The following SLC7A7 variants were observed in gnomAD, a reference collection of about 807,000 sequenced individuals.
SLC7A7 encodes the protein Y+L amino acid transporter 1.
Under a neutral mutation model 47.9 loss-of-function variants are expected in SLC7A7, and 39 were observed. The observed-to-expected ratio is 0.81, with a 90% CI of 0.63 to 1.06. SLC7A7 has a LOEUF of 1.06. SLC7A7 is among the 50% of genes least tolerant of loss of function. The probability of loss-of-function intolerance (pLI) is 0.00; values close to 1 mark genes in which losing one functional copy is unlikely to be tolerated. For synonymous variants in SLC7A7, 234 were observed against 242.8 expected (o/e 0.96, Z 0.34); for missense variants, 588 against 632.0 (o/e 0.93, Z 0.75).
chr14:22,788,592 T>A (rs1465344454), intron 2 of SLC7A7, among the ~76,000 whole-genome samples: 1 of 151,240 alleles, frequency 6.6e-6, no homozygotes, highest in East Asian at 1.9e-4. Context: ...TCATCCCAGC[T>A]ACTCAGGAGG....
chr14:22,805,409 T>C (rs2039184304), intron 2 of SLC7A7, among the ~76,000 whole-genome samples: 1 of 152,146 alleles, frequency 6.6e-6, no homozygotes. Flanking sequence ...GTGGTACATA[T>C]ATACCATGAA....
At chr14:22,795,439 T>TA (rs1354572565) in intron 2 of SLC7A7, among the ~76,000 whole-genome samples, 22 of 108,390 alleles carry the variant, frequency 2.0e-4, no homozygotes, top group African/African-American at 6.3e-4. Context: ...TCTTTCTTTC[T>TA]TTCTTTTCTA....
At position 22,813,135 on chromosome 14, in the gene SLC7A7, A is replaced by C; in HGVS notation, c.264T>G (p.Leu88=). The C allele has an allele frequency of 6.2e-7, 1 of 1,614,124 alleles. No individual in the cohort carries two copies. The highest frequency in any genetic ancestry group is 8.5e-7 in the Non-Finnish European group (1 of 1,180,018). Residue 88 remains leucine (L), a synonymous_variant, in exon 2 of 10, where the codon CTT becomes CTG. Transcript: ENST00000674313. Reference sequence around the variant, plus strand: ...TGGTGGTGCCCAGTTCCGCATAACAAAGGGCCCCAAAGACGGAGAAGAGGC... The same window carrying C: ...TGGTGGTGCCCAGTTCCGCATAACACAGGGCCCCAAAGACGGAGAAGAGGC... ...VGGLFSVFGA[L]CYAELGTTIK...
At chr14:22,791,029 A>C (rs2038916310) in intron 2 of SLC7A7, among the ~76,000 whole-genome samples, 1 of 150,560 alleles carries the variant, frequency 6.6e-6, no homozygotes, top group South Asian at 2.1e-4. Context: ...AAATACGTTT[A>C]TTAGCCTTAC....
intron 2 of SLC7A7, among the ~76,000 whole-genome samples, chr14:22,788,494 G>A (rs1010129984): frequency 5.3e-5 from 8 of 151,928 alleles, no homozygotes; most frequent in African/African-American, 1.5e-4. Context: ...CACAAAGTCA[G>A]GAGTTTGAGA....
At chr14:22,809,055 A>T (rs1235037932) in intron 2 of SLC7A7, among the ~76,000 whole-genome samples, 1 of 152,152 alleles carries the variant, frequency 6.6e-6, no homozygotes, top group Admixed American at 6.5e-5. Flanking sequence ...TGCACCTTTC[A>T]CTCTATCAGA....
intron 2 of SLC7A7, among the ~76,000 whole-genome samples, chr14:22,806,967 G>A (rs2138643465): frequency 6.6e-6 from 1 of 150,546 alleles, no homozygotes; most frequent in South Asian, 2.1e-4. Context: ...GCGCGATCTG[G>A]GCTCACTGCA....
At chr14:22,808,946 A>G (rs1013005518) in intron 2 of SLC7A7, among the ~76,000 whole-genome samples, 1 of 152,252 alleles carries the variant, frequency 6.6e-6, no homozygotes, top group Admixed American at 6.5e-5. Flanking sequence ...ATCTCATTCC[A>G]TTCTCACAAC....
chr14:22,817,207 G>C (rs769499498), upstream of SLC7A7: 1 of 200,516 alleles, frequency 5.0e-6, no homozygotes, highest in South Asian at 5.9e-5. Flanking sequence ...GCAGTGGCAC[G>C]ATCTTGACTC....
intron 1 of SLC7A7, chr14:22,815,011 G>A (rs1421685304): frequency 3.8e-6 from 1 of 260,268 alleles, no homozygotes; most frequent in Non-Finnish European, 7.7e-6. Context: ...AATGAGAGAA[G>A]GGCGATCCAA....
chr14:22,815,761 G>C (rs768059677), upstream of SLC7A7: 5 of 440,898 alleles, frequency 1.1e-5, no homozygotes, highest in Non-Finnish European at 2.3e-5. Flanking sequence ...GACAGTAGCG[G>C]GGAAGGAATA....
chr14:22,782,114 C>A (rs1426956970), intron 2 of SLC7A7, among the ~76,000 whole-genome samples: 1 of 151,912 alleles, frequency 6.6e-6, no homozygotes, highest in Admixed American at 6.6e-5. Context: ...TTTTCTTTTT[C>A]TTTTTGAGAC....
upstream of SLC7A7, chr14:22,817,327 T>G: frequency 4.7e-6 from 1 of 214,424 alleles, no homozygotes; most frequent in South Asian, 5.7e-5. Flanking sequence ...TATTTTTATT[T>G]TATTTTATTT....
At chr14:22,796,680 CA>C (rs1230306543) in intron 2 of SLC7A7, among the ~76,000 whole-genome samples, 1 of 152,184 alleles carries the variant, frequency 6.6e-6, no homozygotes, top group East Asian at 1.9e-4. Flanking sequence ...TCCTGAATGG[CA>C]AAACAACTAG....
At chr14:22,786,513 A>C (rs75379305) in intron 2 of SLC7A7, among the ~76,000 whole-genome samples, 2,649 of 152,330 alleles carry the variant, frequency 0.017, 67 homozygotes, top group African/African-American at 0.058. Flanking sequence ...GCAAGACCCC[A>C]CACAGAAAAC....
chr14:22,801,423 T>G (rs1202907106), intron 2 of SLC7A7, among the ~76,000 whole-genome samples: 1 of 152,148 alleles, frequency 6.6e-6, no homozygotes, highest in Non-Finnish European at 1.5e-5. Flanking sequence ...ATGCCTAGGT[T>G]AGGACTGGTC....
intron 2 of SLC7A7, among the ~76,000 whole-genome samples, chr14:22,802,858 A>G (rs146146330): frequency 7.9e-5 from 12 of 152,130 alleles, no homozygotes; most frequent in Admixed American, 4.6e-4. Flanking sequence ...CCCCTTGCCC[A>G]TCTTGGTCCC....
chr14:22,812,099 A>G (rs1283944634), intron 2 of SLC7A7, among the ~76,000 whole-genome samples: 3 of 152,190 alleles, frequency 2.0e-5, no homozygotes, highest in Non-Finnish European at 4.4e-5. Context: ...GGAAAAGCAC[A>G]CTGTAGAATT....
In SLC7A7 at chr14:22,813,375, T is replaced by G. The variant is rs759701282; in HGVS notation, c.24A>C (p.Glu8Asp). 1 of 1,613,152 alleles carries G rather than the reference T, an allele frequency of 6.2e-7. No individual in the cohort carries two copies. The stretch of plus-strand genomic sequence containing the variant: ...TTTCCACCTCAGGCTGGGAGGCCAC[T>G]TCATACTCAGTGCTGTCAACCATGG... MVDSTEY[E>D]VASQPEVETS... Residue 8 changes from glutamate to aspartate, a missense_variant, in exon 2 of 10, where the codon GAA becomes GAC. By Grantham distance (45) the Glu-to-Asp change is conservative. Coordinates refer to ENST00000674313, the MANE Select transcript of SLC7A7 (RefSeq NM_003982.4).
Sources: gnomAD v4.1 joint callset for allele counts (sites outside exome capture counted in the v4.1 genomes callset) on GRCh38, gnomAD v4.1.1 for gene constraint, MANE v1.5 for transcripts, NCBI Gene and HGNC (gene_info 2026-07-23, HGNC 2026-07-21) for gene names.